The following YARS1 variants were observed in gnomAD, a reference collection of about 807,000 sequenced individuals.
YARS1 encodes tyrosyl-tRNA synthetase 1.
A neutral mutation model predicts 62.2 loss-of-function variants in YARS1; 36 were observed. The observed-to-expected ratio is 0.58, with a 90% CI of 0.44 to 0.76. The LOEUF is 0.76. Among genes scored for constraint, YARS1 ranks in the 30% least tolerant of loss-of-function variants. YARS1 has a pLI of 0.00. For synonymous variants in YARS1, 234 were observed against 244.9 expected (o/e 0.96, Z 0.42); for missense variants, 524 against 639.8 (o/e 0.82, Z 1.95).
chr1:32,781,093 TG>T lies in YARS1; in HGVS notation c.1094del (p.Pro365HisfsTer25), dbSNP rs1413975578. ...TCCCCACACGGATATCCAGCCGGGA[TG>T]GGATGACCTCCTCTGGTTCTGAATT... ...AKNSEPEEVI[P>X]SRLDIRVGKI... On this transcript the variant is annotated frameshift_variant, in exon 10 of 13. Transcript: ENST00000373477. LOFTEE classifies it high-confidence loss of function. 1.1e-5 allele frequency: 18 copies of T among 1,614,112 alleles called. No individual in the cohort carries two copies. Among genetic ancestry groups the T allele is most frequent in the Non-Finnish European group, 1.4e-5 (16 of 1,180,054 alleles).
chr1:32,779,362 G>A lies in YARS1; in HGVS notation c.1476+20C>T, dbSNP rs1284520620. The A allele has an allele frequency of 6.2e-7, 1 of 1,614,148 alleles. No homozygotes were observed. Among genetic ancestry groups the A allele is most frequent in the Non-Finnish European group, 8.5e-7 (1 of 1,180,032 alleles). On this transcript the variant is annotated intron_variant, in intron 12 of 12. Transcript: ENST00000373477. ...GTCCAGGCAGCCCAGCCAAGAAAGG[G>A]AACAATTACAGCTTTTTACCTGCAA...
chr1:32,786,737 C>T (rs1283783489), intron 7 of YARS1: 10 of 802,678 alleles, frequency 1.2e-5, no homozygotes, highest in African/African-American at 1.7e-5. Context: ...TCCAGTATTC[C>T]CTCAGAACCT....
chr1:32,781,543 A>C, intron 9 of YARS1: 1 of 172,308 alleles, frequency 5.8e-6, no homozygotes, highest in Non-Finnish European at 1.2e-5. Flanking sequence ...ACAGAGCCAG[A>C]CTCTGTCTCT....
intron 5 of YARS1, among the ~76,000 whole-genome samples, chr1:32,795,262 T>C (rs1444446251): frequency 6.6e-6 from 1 of 151,598 alleles, no homozygotes; most frequent in Non-Finnish European, 1.5e-5. Context: ...GAGGTTGCAG[T>C]GAGCCGAGAT....
chr1:32,811,496 T>C (rs953235396), intron 1 of YARS1: 18 of 264,220 alleles, frequency 6.8e-5, no homozygotes, highest in African/African-American at 3.8e-4. Flanking sequence ...GTCTATCACC[T>C]TGTGATGGAT....
chr1:32,817,234 G>A lies in YARS1; in HGVS notation c.11C>T (p.Ala4Val), dbSNP rs1380577167. The change falls in exon 1 of 13, where the codon GCT becomes GTT. Residue 4 changes from alanine to valine, a missense_variant. Transcript: ENST00000373477. The part of the protein sequence containing the change: MGD[A>V]PSPEEKLHLI... ...GTGCAGTTTCTCTTCAGGGCTGGGA[G>A]CGTCCCCCATGGCTCCGCTACCCCT... The A allele has an allele frequency of 1.2e-6, 2 of 1,614,136 alleles. 1 individual carries two copies. Among genetic ancestry groups the A allele is most frequent in the East Asian group, 4.5e-5 (2 of 44,888 alleles).
intron 4 of YARS1, among the ~76,000 whole-genome samples, chr1:32,806,158 C>T (rs924742529): frequency 2.0e-5 from 3 of 152,128 alleles, no homozygotes; most frequent in Non-Finnish European, 2.9e-5. Flanking sequence ...TTGTCTTATA[C>T]GGGCACAGTT....
chr1:32,802,780 T>C (rs1638331715), intron 4 of YARS1, among the ~76,000 whole-genome samples: 1 of 152,100 alleles, frequency 6.6e-6, no homozygotes, highest in Admixed American at 6.6e-5. Flanking sequence ...CCAGGCTTTG[T>C]TGTTCCATTT....
At chr1:32,798,516 T>C (rs1653675815) in intron 4 of YARS1, among the ~76,000 whole-genome samples, 1 of 152,250 alleles carries the variant, frequency 6.6e-6, no homozygotes, top group South Asian at 2.1e-4. Context: ...CCTGTGAGAA[T>C]TCGGGAAAAA....
intron 4 of YARS1, among the ~76,000 whole-genome samples, chr1:32,805,403 T>C (rs1296850171): frequency 6.6e-6 from 1 of 151,858 alleles, no homozygotes; most frequent in East Asian, 1.9e-4. Context: ...TTCTCTAGAG[T>C]AGGCTTTAGA....
At position 32,804,733 on chromosome 1, in the gene YARS1, C is replaced by A. The variant is rs1638408203; in HGVS notation, c.510+1749G>T. Among the ~76,000 whole-genome samples the A allele has an allele frequency of 2.0e-5, 3 of 151,678 alleles. No homozygotes were observed. The South Asian group carries it at 6.3e-4, about 32-fold the overall frequency. On this transcript the variant is annotated intron_variant, in intron 4 of 12. Coordinates refer to ENST00000373477, the MANE Select transcript of YARS1 (RefSeq NM_003680.4). Reference sequence around the variant, plus strand: ...ACGTGATGGCGGCCGGGAAGATGCGCTCCTCACTTCCAAGACTGGGCGGCC... The same window carrying A: ...ACGTGATGGCGGCCGGGAAGATGCGATCCTCACTTCCAAGACTGGGCGGCC...
chr1:32,788,082 T>G (rs140442830), intron 6 of YARS1, among the ~76,000 whole-genome samples: 84 of 152,340 alleles, frequency 5.5e-4, no homozygotes, highest in African/African-American at 1.9e-3. Context: ...CACTCCAGCC[T>G]GGGCGACAGT....
Position 32,779,497 on chromosome 1 carries a change from G to C in YARS1, c.1361C>G (p.Pro454Arg). ...SIEGINRQVEPLDPPAGSAPG... is the reference protein window; with the variant it reads ...SIEGINRQVERLDPPAGSAPG... Reference sequence around the variant, plus strand: ...AGCAGAGCCTGCCGGAGGGTCCAGAGGTTCAACCTGGCGGTTTATCCCTTC... The same window carrying C: ...AGCAGAGCCTGCCGGAGGGTCCAGACGTTCAACCTGGCGGTTTATCCCTTC... Residue 454 changes from proline to arginine, a missense_variant, in exon 12 of 13, where the codon CCT becomes CGT. Physicochemically the swap from Pro to Arg is moderately radical, Grantham distance 103. Transcript: ENST00000373477. 3.7e-6 allele frequency: 6 copies of C among 1,614,226 alleles called. No homozygotes were observed. Among genetic ancestry groups the C allele is most frequent in the Non-Finnish European group, 4.2e-6 (5 of 1,180,050 alleles).
At chr1:32,791,552 A>T (rs1653412623) in intron 5 of YARS1, among the ~76,000 whole-genome samples, 1 of 152,222 alleles carries the variant, frequency 6.6e-6, no homozygotes, top group African/African-American at 2.4e-5. Flanking sequence ...CTGTAATCCC[A>T]GCACTTTGGG....
At chr1:32,787,834 T>C (rs1653285379) in intron 6 of YARS1, among the ~76,000 whole-genome samples, 1 of 152,162 alleles carries the variant, frequency 6.6e-6, no homozygotes, top group Non-Finnish European at 1.5e-5. Context: ...TTTTAACATT[T>C]GGCTGGGCAC....
intron 5 of YARS1, among the ~76,000 whole-genome samples, chr1:32,792,431 T>G (rs1653438371): frequency 6.6e-6 from 1 of 152,180 alleles, no homozygotes; most frequent in South Asian, 2.1e-4. Flanking sequence ...CCGGAGGGTC[T>G]ACAATGCATC....
intron 5 of YARS1, among the ~76,000 whole-genome samples, chr1:32,795,954 T>G (rs1653568629): frequency 6.6e-6 from 1 of 152,126 alleles, no homozygotes; most frequent in African/African-American, 2.4e-5. Flanking sequence ...AAATCCCTGC[T>G]TTAATAATAA....
intron 1 of YARS1, among the ~76,000 whole-genome samples, chr1:32,816,152 CTT>C (rs1638724419): frequency 6.6e-6 from 1 of 151,432 alleles, no homozygotes; most frequent in African/African-American, 2.4e-5. Flanking sequence ...GTTGCACAAC[CTT>C]GTGAACATAC....
chr1:32,816,128 AAGAT>A (rs1445478717), intron 1 of YARS1, among the ~76,000 whole-genome samples: 3 of 151,532 alleles, frequency 2.0e-5, no homozygotes, highest in Non-Finnish European at 4.4e-5. Flanking sequence ...AAAAAAAAAA[AAGAT>A]AGTGTGATGG....
Sources: gnomAD v4.1 joint callset for allele counts (sites outside exome capture counted in the v4.1 genomes callset) on GRCh38, gnomAD v4.1.1 for gene constraint, MANE v1.5 for transcripts, NCBI Gene and HGNC (gene_info 2026-07-23, HGNC 2026-07-21) for gene names.